EP400: variants seen among roughly 807,000 people sequenced by gnomAD.
EP400 encodes the protein E1A binding protein p400.
EP400 carries 105 observed loss-of-function variants against 354.1 expected under a neutral mutation model. That is an observed-to-expected ratio of 0.30 (90% CI 0.25 to 0.35). The LOEUF is 0.35. Ranked by LOEUF, EP400 falls within the 10% of genes least tolerant of loss-of-function variation. EP400 has a pLI of 1.00. For missense variants in EP400, 3,280 were observed against 4,121.0 expected, an observed-to-expected ratio of 0.80 and a Z score of 5.59; for synonymous variants, 1,646 against 1,716.9, an observed-to-expected ratio of 0.96 and a Z score of 1.02.
chr12:132,066,913 T>C lies in EP400; in HGVS notation c.8693T>C (p.Leu2898Pro), dbSNP rs1397945213. ...GTCTCCTCACCGGGAGTCACCACCCTGCCCATGAACGTCGCGGGGATCAGC... is the reference window on the plus strand; with the variant it reads ...GTCTCCTCACCGGGAGTCACCACCCCGCCCATGAACGTCGCGGGGATCAGC... ...AVVSSPGVTT[L>P]PMNVAGISVA... The change falls in exon 49 of 53, where the codon CTG becomes CCG. Residue 2898 changes from leucine to proline, a missense_variant. Leu to Pro is a moderately conservative substitution (Grantham distance 98). Coordinates refer to ENST00000389561, the MANE Select transcript of EP400 (RefSeq NM_015409.5). 4 of 1,611,842 alleles carry C rather than the reference T, an allele frequency of 2.5e-6. No individual in the cohort carries two copies. The highest frequency in any genetic ancestry group is 3.4e-6 in the Non-Finnish European group (4 of 1,179,242).
rs912006389 is a variant in EP400 at position 132,030,102 on chromosome 12, T to G, written c.5698T>G (p.Phe1900Val). Reference sequence around the variant, plus strand: ...GGACATTTTAGAGATGTTCTTGAACTTCCATTACCTCACCTATGTAAGAAT... The same window carrying G: ...GGACATTTTAGAGATGTTCTTGAACGTCCATTACCTCACCTATGTAAGAAT... ...MLDILEMFLN[F>V]HYLTYVRIDE... The change falls in exon 29 of 53, where the codon TTC becomes GTC. Residue 1900 changes from phenylalanine (F) to valine (V), a missense_variant. Around this residue, in one of 20 missense-constraint regions of EP400, gnomAD observed 459 missense variants for 496.9 expected, o/e 0.92. Coordinates refer to ENST00000389561, the MANE Select transcript of EP400 (RefSeq NM_015409.5). 1 of 1,614,242 alleles carries G rather than the reference T, an allele frequency of 6.2e-7. No individual in the cohort carries two copies. Among genetic ancestry groups the G allele is most frequent in the Non-Finnish European group, 8.5e-7 (1 of 1,180,036 alleles).
chr12:132,009,152 G>A (rs1375369435), intron 15 of EP400, among the ~76,000 whole-genome samples: 1 of 150,872 alleles, frequency 6.6e-6, no homozygotes, highest in Non-Finnish European at 1.5e-5. Context: ...GGTTGGTCTT[G>A]AACTCCTGGG....
intron 39 of EP400, among the ~76,000 whole-genome samples, chr12:132,049,672 G>C (rs1476340752): frequency 6.6e-6 from 1 of 152,162 alleles, no homozygotes. Flanking sequence ...GTCTTGACTT[G>C]TCGCTACCTC....
At chr12:132,009,372 C>T (rs1156522687) in intron 15 of EP400, among the ~76,000 whole-genome samples, 2 of 152,146 alleles carry the variant, frequency 1.3e-5, no homozygotes, top group African/African-American at 4.8e-5. Flanking sequence ...CCTGAGGTTG[C>T]AGCCCTGCTT....
chr12:131,996,680 C>G (rs1479542226), intron 12 of EP400, among the ~76,000 whole-genome samples: 1 of 152,174 alleles, frequency 6.6e-6, no homozygotes, highest in Non-Finnish European at 1.5e-5. Context: ...CTCAAGAACT[C>G]TTGATATTGT....
rs1765584890 is a variant in EP400 at position 132,017,051 on chromosome 12, G to A, written c.3924-484G>A. On this transcript the variant is annotated intron_variant, in intron 19 of 52. Coordinates refer to ENST00000389561, the MANE Select transcript of EP400 (RefSeq NM_015409.5). This position sits in a 1 kb window ranked among gnomAD's most constrained non-coding sequence, Gnocchi z 5.0. ...CTGCCCAGCCCTGGTCCCAGTGTGC[G>A]TTGTAGGTCCTTCTGTCTGCCCCCT... Among the ~76,000 whole-genome samples, 1 of 152,230 alleles carries A rather than the reference G, an allele frequency of 6.6e-6. No homozygotes were observed. The highest frequency in any genetic ancestry group is 6.5e-5 in the Admixed American group (1 of 15,290).
At position 132,075,501 on chromosome 12, in the gene EP400, A is replaced by G. The variant is rs1414337909; in HGVS notation, c.9022-1015A>G. ...TGCTGTGCCAAGTAAGTCCTGGACC[A>G]TTGTGGTCTTGAGATGGGCCCTGGA... On this transcript the variant is annotated intron_variant, in intron 51 of 52. Coordinates refer to ENST00000389561, the MANE Select transcript of EP400 (RefSeq NM_015409.5). This position sits in a 1 kb window ranked among gnomAD's most constrained non-coding sequence, Gnocchi z 4.5. 6.6e-6 allele frequency among the ~76,000 whole-genome samples: 1 copy of G among 152,154 alleles called. No individual in the cohort carries two copies. Among genetic ancestry groups the G allele is most frequent in the Admixed American group, 6.5e-5 (1 of 15,278 alleles).
chr12:132,077,300 G>T (rs1029678161), intron 52 of EP400, 101 bp from the exon 53 acceptor site: 8 of 1,425,182 alleles, frequency 5.6e-6, no homozygotes, highest in Admixed American at 2.2e-5. Context: ...AGCATAGTCA[G>T]TGAAGTTTCT....
intron 5 of EP400, 33 bp downstream of exon 5, chr12:131,982,511 G>A (rs958885529): frequency 4.5e-5 from 70 of 1,558,648 alleles, no homozygotes; most frequent in Non-Finnish European, 5.8e-5. Flanking sequence ...AAAAGAAAAT[G>A]GTTTGCAGGA....
intron 2 of EP400, among the ~76,000 whole-genome samples, chr12:131,966,760 C>T (rs1453280825): frequency 1.5e-4 from 22 of 150,458 alleles, no homozygotes; most frequent in African/African-American, 4.6e-4. Context: ...CACAATTAGC[C>T]GGGCATGGTG....
chr12:132,062,336 T>C lies in EP400; in HGVS notation c.8098+13T>C, dbSNP rs770497730. The C allele has an allele frequency of 6.2e-7, 1 of 1,613,710 alleles. No individual in the cohort carries two copies. Among genetic ancestry groups the C allele is most frequent in the Admixed American group, 1.7e-5 (1 of 60,016 alleles). ...CAAGTGTCCCAAGGTAAAGCCAGGC[T>C]GGGAGCTTTCTCTGCCACACGTCTG... On this transcript the variant is annotated intron_variant, in intron 46 of 52. Transcript: ENST00000389561.
Position 131,982,391 on chromosome 12 carries a change from T to G in EP400, c.1842T>G (p.Pro614=), listed in dbSNP as rs1892710932. Residue 614 remains proline (P), a synonymous_variant, in exon 5 of 53, where the codon CCT becomes CCG. Coordinates refer to ENST00000389561, the MANE Select transcript of EP400 (RefSeq NM_015409.5). ...CGCCCAGCAGCCAACTCCCCATCCC[T>G]CCCTCGCAGCCTGCACAGCTGGCCC... ...PAPPSSQLPI[P]PSQPAQLALH... 12 of 1,613,670 alleles carry G rather than the reference T, an allele frequency of 7.4e-6. No homozygotes were observed. Among genetic ancestry groups the G allele is most frequent in the Non-Finnish European group, 1.0e-5 (12 of 1,179,948 alleles).
intron 23 of EP400, among the ~76,000 whole-genome samples, chr12:132,023,397 C>T (rs1894191540): frequency 7.1e-6 from 1 of 140,826 alleles, no homozygotes; most frequent in Non-Finnish European, 1.5e-5. Flanking sequence ...CTCATGTGAT[C>T]CACCCACCTC....
Position 132,050,413 on chromosome 12 carries a change from T to A in EP400, c.7291T>A (p.Leu2431Ile). The A allele has an allele frequency of 6.2e-7, 1 of 1,614,188 alleles. No homozygotes were observed. The highest frequency in any genetic ancestry group is 1.1e-5 in the South Asian group (1 of 91,082). The change falls in exon 40 of 53, where the codon TTA (leucine) becomes ATA (isoleucine). Residue 2431 changes from leucine (L) to isoleucine (I), a missense_variant. Around this residue, in one of 20 missense-constraint regions of EP400, gnomAD observed 84 missense variants for 133.0 expected, o/e 0.63. Coordinates refer to ENST00000389561, the MANE Select transcript of EP400 (RefSeq NM_015409.5). The surrounding 1 kb of genome is among the most constrained non-coding windows in gnomAD (Gnocchi z 4.8). ...HTQLYTSHFD[L>I]MKMTAGKRSP... ...CCAGCTGTACACGAGCCACTTTGAC[T>A]TAATGAAAATGACTGCTGGCAAGAG...
chr12:132,033,542 CTT>C (rs756242454), intron 30 of EP400, among the ~76,000 whole-genome samples: 11 of 139,792 alleles, frequency 7.9e-5, no homozygotes, highest in Non-Finnish European at 7.9e-5. Context: ...GCTTTAACCT[CTT>C]TTTTTTTTTT....
chr12:132,067,205 A>G lies in EP400; in HGVS notation c.8750-157A>G. 8.0e-7 allele frequency: 1 copy of G among 1,253,582 alleles called. No individual in the cohort carries two copies. The highest frequency in any genetic ancestry group is 2.4e-5 in the Admixed American group (1 of 41,852). 77.7% of individuals were successfully genotyped at this position (1,253,582 alleles called of 1,614,324 possible). ...TAATTTAAGTGTAATTTGTGAACCC[A>G]GAAACATTTTAATGTAGTTAAGGGA... On this transcript the variant is annotated intron_variant, in intron 49 of 52. Transcript: ENST00000389561. The surrounding 1 kb of genome is among the most constrained non-coding windows in gnomAD (Gnocchi z 5.3).
At chr12:132,011,719 T>TGGCCGGGCGCGGTG in intron 16 of EP400, 85 bp downstream of exon 16, 1 of 1,417,038 alleles carries the variant, frequency 7.1e-7, no homozygotes, top group Non-Finnish European at 9.5e-7. Context: ...TGTGAAGACA[T>TGGCCGGGCGCGGTG]GCTTATTCAT....
intron 31 of EP400, 80 bp downstream of exon 31, chr12:132,037,873 C>T: frequency 1.9e-6 from 3 of 1,611,712 alleles, no homozygotes; most frequent in African/African-American, 1.3e-5. Context: ...TGCACACTAG[C>T]AAGGGGCTTA....
At chr12:132,000,769 C>T (rs1450286051) in intron 12 of EP400, among the ~76,000 whole-genome samples, 2 of 152,038 alleles carry the variant, frequency 1.3e-5, no homozygotes, top group African/African-American at 4.8e-5. Flanking sequence ...TTTTGTTAAC[C>T]CATTGATTAA....
Sources: allele counts gnomAD v4.1 joint callset (sites outside exome capture counted in the v4.1 genomes callset), GRCh38; gene constraint gnomAD v4.1.1; regional missense constraint gnomAD v4.1.1; non-coding constraint Gnocchi (gnomAD v3.1); transcripts MANE v1.5; gene names NCBI Gene and HGNC (gene_info 2026-07-23, HGNC 2026-07-21).